POLD3: variants seen among roughly 807,000 people sequenced by gnomAD.
The protein encoded by POLD3 is DNA polymerase delta 3, accessory subunit.
Under a neutral mutation model 58.2 loss-of-function variants are expected in POLD3, and 19 were observed. The observed-to-expected ratio is 0.33, with a 90% confidence interval of 0.23 to 0.48. The LOEUF (loss-of-function observed/expected upper bound fraction) is 0.48, where lower values mean the gene tolerates loss of function less well. Among genes scored for constraint, POLD3 ranks in the 20% least tolerant of loss-of-function variants. The pLI, the probability that POLD3 is intolerant of heterozygous loss-of-function variation, is 0.99. For missense variants in POLD3, 504 were observed against 545.5 expected (o/e 0.92, Z 0.76); for synonymous variants, 172 against 193.5 (o/e 0.89, Z 0.92).
At chr11:74,624,186 A>AT (rs1197607489) in intron 7 of POLD3, among the ~76,000 whole-genome samples, 2 of 152,162 alleles carry the variant, frequency 1.3e-5, no homozygotes, top group African/African-American at 4.8e-5. Context: ...AGTGAACTGT[A>AT]TTTTTTGGAT....
rs1176742062 is a variant in POLD3 at position 74,641,935 on chromosome 11, T to A, written c.*1169T>A. On this transcript the variant is annotated 3_prime_UTR_variant, in exon 12 of 12. Transcript: ENST00000263681. ...TATGGAAAATCATCTATTACAATGATAACCTTCAAGTGACTTCCATTATGG... is the reference window on the plus strand; with the variant it reads ...TATGGAAAATCATCTATTACAATGAAAACCTTCAAGTGACTTCCATTATGG... 2 of 985,312 alleles carry A rather than the reference T, an allele frequency of 2.0e-6. No individual in the cohort carries two copies. The highest frequency in any genetic ancestry group is 6.1e-5 in the Admixed American group (1 of 16,272). The allele number at this position is 985,312 out of a possible 1,614,324, so 61.0% of individuals were successfully genotyped here.
chr11:74,597,110 C>G (rs114583059), intron 2 of POLD3, among the ~76,000 whole-genome samples: 105 of 152,308 alleles, frequency 6.9e-4, no homozygotes, highest in African/African-American at 2.5e-3. Context: ...GGATGTATAT[C>G]CGTAGTGGGA....
downstream of POLD3, among the ~76,000 whole-genome samples, chr11:74,647,292 A>G (rs1290131527): frequency 2.0e-5 from 3 of 152,218 alleles, no homozygotes; most frequent in East Asian, 1.9e-4. Context: ...GGAAGGCAGA[A>G]CCATTTTCCT....
In POLD3 at chr11:74,640,598, A is replaced by G. The variant is rs765746890; in HGVS notation, c.1233A>G (p.Thr411=). The part of the protein sequence containing the change: ...TEKVYESESC[T]DSEEELNMKT... ...AAGTCTACGAGAGTGAATCCTGCAC[A>G]GATAGTGAAGAGGAGCTTAACATGA... The change falls in exon 12 of 12, where the codon ACA becomes ACG. Residue 411 remains threonine (T), a synonymous_variant. Transcript: ENST00000263681. The G allele has an allele frequency of 6.3e-6, 10 of 1,599,454 alleles. No homozygotes were observed. In the African/African-American group the frequency reaches 9.5e-5, roughly 15 times the overall value.
intron 7 of POLD3, among the ~76,000 whole-genome samples, chr11:74,620,412 C>T (rs753141323): frequency 5.3e-5 from 8 of 152,138 alleles, no homozygotes; most frequent in African/African-American, 9.7e-5. Context: ...TGCCTGGCTA[C>T]GCAGTATAGT....
At position 74,650,729 on chromosome 11, in the gene POLD3, T is replaced by C. The variant is rs1378030746; in HGVS notation, c.369+14454T>C. 2.0e-5 allele frequency among the ~76,000 whole-genome samples: 3 copies of C among 152,200 alleles called. No individual in the cohort carries two copies. The East Asian group carries it at 5.8e-4, about 29-fold the overall frequency. ...TCAGTCCACTCATTCAATAGCTGTC[T>C]TATTTAAACACACACACTCTCTCTC... On this transcript the variant is annotated intron_variant, in intron 4 of 4. Transcript: ENST00000524752.
Position 74,612,446 on chromosome 11 carries a change from T to C in POLD3, c.260-432T>C, listed in dbSNP as rs181170549. Among the ~76,000 whole-genome samples the C allele has an allele frequency of 1.5e-3, 225 of 152,350 alleles. 1 individual carries two copies. Among genetic ancestry groups the C allele is most frequent in the Admixed American group, 4.2e-3 (64 of 15,298 alleles). ...TTTGTGTTTCTCTTCCGTAGACTTA[T>C]CTAGTTAGTAGTGTTTTTATTACAG... On this transcript the variant is annotated intron_variant, in intron 4 of 11. Transcript: ENST00000263681.
intron 2 of POLD3, among the ~76,000 whole-genome samples, chr11:74,595,822 T>TTCCCATGCTGG (rs1314736833): frequency 6.6e-6 from 1 of 152,190 alleles, no homozygotes; most frequent in Non-Finnish European, 1.5e-5. Flanking sequence ...CCCGCCATGT[T>TTCCCATGCTGG]TCCCATGCTG....
chr11:74,630,335 A>C (rs1284519770), intron 9 of POLD3, among the ~76,000 whole-genome samples: 1 of 152,234 alleles, frequency 6.6e-6, no homozygotes, highest in Non-Finnish European at 1.5e-5. Flanking sequence ...TGAAAAAAAA[A>C]CAAATTATAT....
chr11:74,623,443 T>C (rs973411136), intron 7 of POLD3, among the ~76,000 whole-genome samples: 3 of 151,884 alleles, frequency 2.0e-5, no homozygotes, highest in African/African-American at 7.3e-5. Context: ...TCAAAAAATA[T>C]ATAAATAAAT....
intron 7 of POLD3, among the ~76,000 whole-genome samples, chr11:74,622,648 A>G (rs1291915498): frequency 6.6e-6 from 1 of 152,206 alleles, no homozygotes; most frequent in Non-Finnish European, 1.5e-5. Flanking sequence ...AAGAGAGTTC[A>G]CTGTGGGGAC....
chr11:74,648,112 C>T (rs1343153046), intron 4 of POLD3, among the ~76,000 whole-genome samples: 1 of 152,152 alleles, frequency 6.6e-6, no homozygotes, highest in Admixed American at 6.5e-5. Context: ...ATTAGCAAAC[C>T]TGCATGGAAG....
chr11:74,666,191 G>A lies in POLD3; in HGVS notation c.370-2586G>A, dbSNP rs146319058. Among the ~76,000 whole-genome samples, 5 of 152,304 alleles carry A rather than the reference G, an allele frequency of 3.3e-5. No homozygotes were observed. The East Asian group carries it at 9.6e-4, about 29-fold the overall frequency. ...AAAAGTACTCAGGAATACATACAACGAAGTGCAAAGCTTATATAAATTCTG... is the reference window on the plus strand; with the variant it reads ...AAAAGTACTCAGGAATACATACAACAAAGTGCAAAGCTTATATAAATTCTG... On this transcript the variant is annotated intron_variant, in intron 4 of 4. Coordinates refer to the POLD3 transcript ENST00000524752.
At chr11:74,626,038 G>T (rs2032425475) in intron 8 of POLD3, among the ~76,000 whole-genome samples, 1 of 152,044 alleles carries the variant, frequency 6.6e-6, no homozygotes, top group Non-Finnish European at 1.5e-5. Flanking sequence ...AAAATAAAAA[G>T]CACATAAAGC....
rs1249655937 is a variant in POLD3, at chr11:74,668,791, C to T, written c.385C>T (p.Gln129Ter). ...TTTTTTTACAGTGGTGCTGGACATG[C>T]AGTCCCACTCACTAGACATTTTGGA... Residue 129 changes from glutamine (Q) to a stop codon, truncating the protein, a stop_gained, in exon 5 of 5, where the codon CAG (glutamine) becomes TAG (stop). Transcript: ENST00000524752. LOFTEE classifies it low-confidence loss of function (END_TRUNC). The T allele has an allele frequency of 7.8e-7, 1 of 1,288,064 alleles. No homozygotes were observed. The highest frequency in any genetic ancestry group is 1.0e-6 in the Non-Finnish European group (1 of 987,830). 79.8% of individuals were successfully genotyped at this position (1,288,064 alleles called of 1,614,324 possible).
At position 74,620,219 on chromosome 11, in the gene POLD3, C is replaced by T. The variant is rs115259882; in HGVS notation, c.733+130C>T. 1,688 of 694,944 alleles carry T rather than the reference C, an allele frequency of 2.4e-3. 16 individuals are homozygous for T. The African/African-American group carries it at 0.027, about 11-fold the overall frequency. The allele number at this position is 694,944 out of a possible 1,614,324, so 43.0% of individuals were successfully genotyped here. A position where few individuals can be genotyped will look rare whatever the true frequency, so the allele number is the denominator to read the frequency against. ...GACTACCTGCATTCTAACAAATTTC[C>T]AGTGTACTGCCCAATATATTGATGA... is the stretch of plus-strand genomic sequence containing the variant. On this transcript the variant is annotated intron_variant, in intron 7 of 11. Coordinates refer to ENST00000263681, the MANE Select transcript of POLD3 (RefSeq NM_006591.3).
intron 2 of POLD3, among the ~76,000 whole-genome samples, 165 bp downstream of exon 2, chr11:74,594,281 T>G (rs1263162860): frequency 6.6e-6 from 1 of 152,236 alleles, no homozygotes; most frequent in Non-Finnish European, 1.5e-5. Flanking sequence ...AATCTCTGCC[T>G]TCATTGTCAT....
intron 4 of POLD3, among the ~76,000 whole-genome samples, chr11:74,651,123 C>A (rs1337249443): frequency 6.6e-6 from 1 of 152,212 alleles, no homozygotes; most frequent in Non-Finnish European, 1.5e-5. Flanking sequence ...TTGGCTATCT[C>A]CTCCACCACA....
intron 9 of POLD3, among the ~76,000 whole-genome samples, chr11:74,630,877 GTTC>G (rs1369922610): frequency 6.6e-6 from 1 of 151,964 alleles, no homozygotes; most frequent in Non-Finnish European, 1.5e-5. Context: ...ATTCCCTATA[GTTC>G]TGATCTGTAG....
Sources: gnomAD v4.1 joint callset for allele counts (sites outside exome capture counted in the v4.1 genomes callset) on GRCh38, gnomAD v4.1.1 for gene constraint, MANE v1.5 for transcripts, NCBI Gene and HGNC (gene_info 2026-07-23, HGNC 2026-07-21) for gene names.